The following CD82 variants were observed in gnomAD, a reference collection of about 807,000 sequenced individuals.
The protein encoded by CD82 is CD82 molecule.
CD82 carries 36 observed loss-of-function variants against 37.4 expected under a neutral mutation model. The ratio of observed to expected loss-of-function variants is 0.96; its 90% confidence interval spans 0.74 to 1.27. The LOEUF (loss-of-function observed/expected upper bound fraction) is 1.27, where lower values mean the gene tolerates loss of function less well. Among genes scored for constraint, CD82 ranks in the 50% most tolerant of loss-of-function variants. The pLI is 0.00. For missense variants in CD82, 340 were observed against 347.0 expected (o/e 0.98, Z 0.16); for synonymous variants, 158 against 137.4 (o/e 1.15, Z -1.05).
chr11:44,600,160 C>T lies in CD82; in HGVS notation c.66C>T (p.Ile22=), dbSNP rs774679121. 6.2e-7 allele frequency: 1 copy of T among 1,613,976 alleles called. No individual in the cohort carries two copies. The highest frequency in any genetic ancestry group is 8.5e-7 in the Non-Finnish European group (1 of 1,179,964). Residue 22 remains isoleucine (I), a splice_region_variant and synonymous_variant, in exon 4 of 10, where the codon ATC becomes ATT. Transcript: ENST00000227155. ...FLFLFNLIFF[I]LGAVILGFGV... ...TAACTGCTCCCTTCTCCTTCCAGAT[C>T]CTGGGCGCAGTGATCCTGGGCTTCG...
intron 1 of CD82, among the ~76,000 whole-genome samples, chr11:44,569,360 G>T (rs1852783417): frequency 1.3e-5 from 2 of 152,212 alleles, no homozygotes; most frequent in Admixed American, 1.3e-4. Context: ...TTCCACTGTG[G>T]TTTTCCTGTC....
intron 1 of CD82, among the ~76,000 whole-genome samples, chr11:44,570,469 C>T (rs546164371): frequency 9.9e-4 from 151 of 152,316 alleles, no homozygotes; most frequent in African/African-American, 3.2e-3. Context: ...ACTTGGGGAT[C>T]GATGACTGAA....
At chr11:44,570,944 C>T (rs961517449) in intron 1 of CD82, among the ~76,000 whole-genome samples, 2 of 152,200 alleles carry the variant, frequency 1.3e-5, no homozygotes, top group African/African-American at 4.8e-5. Flanking sequence ...TGCAGACCCC[C>T]AGGTGGGCAG....
At chr11:44,580,619 A>T (rs1852966833) in intron 1 of CD82, among the ~76,000 whole-genome samples, 1 of 152,172 alleles carries the variant, frequency 6.6e-6, no homozygotes, top group Non-Finnish European at 1.5e-5. Context: ...AGGCTGAGGC[A>T]GGAGAGTCTC....
At chr11:44,567,090 C>G (rs182811452) in intron 1 of CD82, among the ~76,000 whole-genome samples, 1 of 152,176 alleles carries the variant, frequency 6.6e-6, no homozygotes, top group Admixed American at 6.5e-5. Context: ...CTACCATGTC[C>G]CTGTAGAGAG....
At chr11:44,573,165 A>G (rs540886139) in intron 1 of CD82, 41 of 152,350 alleles carry the variant, frequency 2.7e-4, no homozygotes, top group African/African-American at 9.4e-4. Context: ...AGGTCCCTCC[A>G]CTGGGAAACA....
At chr11:44,588,902 C>T (rs1002148259) in intron 2 of CD82, among the ~76,000 whole-genome samples, 8 of 150,762 alleles carry the variant, frequency 5.3e-5, no homozygotes, top group South Asian at 2.1e-4. Flanking sequence ...TGATATATTT[C>T]GTCAATTAAA....
chr11:44,595,218 G>A lies in CD82; in HGVS notation c.63+493G>A, dbSNP rs527557767. Among the ~76,000 whole-genome samples, 14 of 151,682 alleles carry A rather than the reference G, an allele frequency of 9.2e-5. No individual in the cohort carries two copies. The South Asian group carries it at 2.1e-3, about 22-fold the overall frequency. ...TAGGGAGAGCAAGAGGGCGCCAGGCGTGGGGCCAGTGAAGGGCACATACCT... is the reference window on the plus strand; with the variant it reads ...TAGGGAGAGCAAGAGGGCGCCAGGCATGGGGCCAGTGAAGGGCACATACCT... On this transcript the variant is annotated intron_variant, in intron 3 of 9. Transcript: ENST00000227155.
At chr11:44,588,673 C>T (rs1349803628) in intron 2 of CD82, among the ~76,000 whole-genome samples, 1 of 152,154 alleles carries the variant, frequency 6.6e-6, no homozygotes, top group African/African-American at 2.4e-5. Context: ...CAGGGAGCTG[C>T]TCTAGTCTCC....
chr11:44,572,307 A>T (rs1209257410), intron 1 of CD82, among the ~76,000 whole-genome samples: 1 of 152,248 alleles, frequency 6.6e-6, no homozygotes, highest in African/African-American at 2.4e-5. Flanking sequence ...TATAGATTAG[A>T]TTACAGACCT....
chr11:44,605,273 G>T (rs912707895), intron 5 of CD82, 82 bp from the exon 6 acceptor site: 2 of 1,610,200 alleles, frequency 1.2e-6, no homozygotes, highest in Non-Finnish European at 1.7e-6. Context: ...ACATCGGGTG[G>T]AGAGCATCTC....
intron 1 of CD82, among the ~76,000 whole-genome samples, chr11:44,575,846 C>T (rs867241575): frequency 3.3e-5 from 5 of 152,236 alleles, no homozygotes; most frequent in East Asian, 1.9e-4. Flanking sequence ...CCCCGTTTTA[C>T]GGAAAAGAAA....
intron 6 of CD82, among the ~76,000 whole-genome samples, chr11:44,612,807 G>A (rs1344495331): frequency 6.6e-6 from 1 of 151,144 alleles, no homozygotes; most frequent in African/African-American, 2.4e-5. Flanking sequence ...CTAATTTTTG[G>A]TATTTTTTTT....
chr11:44,601,548 A>G (rs1853309653), intron 4 of CD82, among the ~76,000 whole-genome samples: 1 of 152,136 alleles, frequency 6.6e-6, no homozygotes, highest in Admixed American at 6.5e-5. Context: ...GGCAAAGTCT[A>G]GAGGCCCAGC....
intron 4 of CD82, chr11:44,604,855 G>C: frequency 1.5e-6 from 1 of 648,786 alleles, no homozygotes; most frequent in Admixed American, 2.5e-5. Flanking sequence ...ATGAGGGTGT[G>C]GATTGCAATT....
chr11:44,585,560 C>T (rs991956112), intron 1 of CD82, among the ~76,000 whole-genome samples: 6 of 152,148 alleles, frequency 3.9e-5, no homozygotes, highest in African/African-American at 7.2e-5. Flanking sequence ...TTCATGCCTG[C>T]GGTAGGTGGG....
At chr11:44,602,620 CT>C (rs1853323342) in intron 4 of CD82, among the ~76,000 whole-genome samples, 1 of 152,140 alleles carries the variant, frequency 6.6e-6, no homozygotes, top group Non-Finnish European at 1.5e-5. Context: ...TCATCCCTTT[CT>C]GTTTGGGCCG....
intron 1 of CD82, among the ~76,000 whole-genome samples, chr11:44,568,926 C>G (rs561965218): frequency 2.0e-5 from 3 of 152,346 alleles, no homozygotes; most frequent in African/African-American, 7.2e-5. Flanking sequence ...CTGGCTTGAC[C>G]TTGGCCTTGG....
intron 6 of CD82, among the ~76,000 whole-genome samples, chr11:44,608,548 C>A (rs886407729): frequency 2.0e-5 from 3 of 152,250 alleles, no homozygotes; most frequent in Admixed American, 1.3e-4. Flanking sequence ...ACATTCTGGG[C>A]ATGCTACTCA....
Sources: gnomAD v4.1 joint callset for allele counts (sites outside exome capture counted in the v4.1 genomes callset) on GRCh38, gnomAD v4.1.1 for gene constraint, MANE v1.5 for transcripts, NCBI Gene and HGNC (gene_info 2026-07-23, HGNC 2026-07-21) for gene names.